LNP1: variants seen among roughly 807,000 people sequenced by gnomAD.
LNP1 encodes the protein leukemia NUP98 fusion partner 1.
A neutral mutation model predicts 14.5 loss-of-function variants in LNP1; 12 were observed. The observed-to-expected ratio is 0.83, with a 90% confidence interval of 0.53 to 1.34. The LOEUF (loss-of-function observed/expected upper bound fraction) is 1.34. Ranked by LOEUF, LNP1 falls within the 40% of genes most tolerant of loss-of-function variation. LNP1 has a pLI of 0.00. For synonymous variants in LNP1, 75 were observed against 71.4 expected (o/e 1.05, Z -0.26); for missense variants, 198 against 210.9 (o/e 0.94, Z 0.38).
intron 2 of LNP1, among the ~76,000 whole-genome samples, chr3:100,430,537 A>T (rs1373960503): frequency 6.6e-6 from 1 of 152,182 alleles, no homozygotes; most frequent in Non-Finnish European, 1.5e-5. Flanking sequence ...ACAGGCGGCT[A>T]TTCTCTCTGC....
At chr3:100,421,706 G>T (rs1287371728) in intron 1 of LNP1, among the ~76,000 whole-genome samples, 1 of 152,098 alleles carries the variant, frequency 6.6e-6, no homozygotes, top group Non-Finnish European at 1.5e-5. Flanking sequence ...AAAAAAGAGA[G>T]AAATTTCTGG....
chr3:100,453,396 C>A (rs1304454386), intron 3 of LNP1, among the ~76,000 whole-genome samples: 1 of 148,036 alleles, frequency 6.8e-6, no homozygotes, highest in Non-Finnish European at 1.5e-5. Context: ...GCCTGGGCAA[C>A]ATAGTGAAAT....
At chr3:100,431,067 C>A (rs923320692) in intron 2 of LNP1, among the ~76,000 whole-genome samples, 3 of 152,134 alleles carry the variant, frequency 2.0e-5, no homozygotes, top group African/African-American at 7.2e-5. Flanking sequence ...CCACAATGAG[C>A]AAAATATCCA....
intron 1 of LNP1, among the ~76,000 whole-genome samples, chr3:100,406,201 G>T (rs144758179): frequency 6.6e-6 from 1 of 152,096 alleles, no homozygotes; most frequent in Admixed American, 6.5e-5. Flanking sequence ...CAGGAGAATC[G>T]CTTGAACCCC....
intron 1 of LNP1, among the ~76,000 whole-genome samples, chr3:100,415,585 TGTTA>T (rs1242133186): frequency 2.0e-5 from 3 of 152,212 alleles, no homozygotes; most frequent in Admixed American, 2.0e-4. Flanking sequence ...TTTTCTAAAC[TGTTA>T]GTGTTTAATA....
At chr3:100,424,905 A>C (rs1294462454) in intron 1 of LNP1, among the ~76,000 whole-genome samples, 1 of 152,256 alleles carries the variant, frequency 6.6e-6, no homozygotes, top group African/African-American at 2.4e-5. Flanking sequence ...CTTAAAATCC[A>C]GAGGTCTTGG....
intron 2 of LNP1, among the ~76,000 whole-genome samples, chr3:100,446,155 A>C (rs189757428): frequency 0.012 from 1,878 of 152,272 alleles, 35 homozygotes; most frequent in African/African-American, 0.043. Context: ...AATCCTAAGC[A>C]AAAAGAACAA....
chr3:100,443,987 C>A (rs988124028), intron 2 of LNP1, among the ~76,000 whole-genome samples: 4 of 152,162 alleles, frequency 2.6e-5, no homozygotes, highest in African/African-American at 9.7e-5. Context: ...AAAACAAAGG[C>A]TCAGCAGTGT....
intron 1 of LNP1, among the ~76,000 whole-genome samples, chr3:100,418,154 G>C (rs970088435): frequency 6.7e-6 from 1 of 150,230 alleles, no homozygotes; most frequent in Non-Finnish European, 1.5e-5. Context: ...CTGCCTCCTG[G>C]GTTCAAGCAA....
chr3:100,456,008 G>C lies in LNP1; in HGVS notation c.*82G>C. On this transcript the variant is annotated 3_prime_UTR_variant, in exon 4 of 4. Coordinates refer to ENST00000383693, the MANE Select transcript of LNP1 (RefSeq NM_001085451.2). Reference sequence around the variant, plus strand: ...CCCCAATTCACCATTTCAGGATGTGGATGGGGGCGGGGTTGGGGGTAAAAA... The same window carrying C: ...CCCCAATTCACCATTTCAGGATGTGCATGGGGGCGGGGTTGGGGGTAAAAA... 6.8e-7 allele frequency: 1 copy of C among 1,467,558 alleles called. No homozygotes were observed. 90.9% of individuals were successfully genotyped at this position (1,467,558 alleles called of 1,614,324 possible). A position where few individuals can be genotyped will look rare whatever the true frequency, so the allele number is the denominator to read the frequency against.
intron 2 of LNP1, among the ~76,000 whole-genome samples, chr3:100,450,902 TAG>T (rs146719329): frequency 2.0e-5 from 3 of 151,700 alleles, no homozygotes; most frequent in African/African-American, 7.3e-5. Context: ...AATAAATAAA[TAG>T]AGAGAGAGAG....
intron 2 of LNP1, among the ~76,000 whole-genome samples, chr3:100,443,294 A>G (rs1707361359): frequency 6.6e-6 from 1 of 152,260 alleles, no homozygotes; most frequent in South Asian, 2.1e-4. Flanking sequence ...GCAAGACTAG[A>G]ATCTAACAAC....
At chr3:100,418,731 A>G (rs2148900952) in intron 1 of LNP1, among the ~76,000 whole-genome samples, 1 of 152,096 alleles carries the variant, frequency 6.6e-6, no homozygotes, top group East Asian at 1.9e-4. Flanking sequence ...GTCCCTGTCT[A>G]TTGCAGTTTT....
chr3:100,442,184 T>C (rs1369665667), intron 2 of LNP1, among the ~76,000 whole-genome samples: 1 of 152,212 alleles, frequency 6.6e-6, no homozygotes, highest in East Asian at 1.9e-4. Flanking sequence ...AGTGTTCTAA[T>C]GATGGAGTAG....
chr3:100,448,817 A>C (rs1284719504), intron 2 of LNP1, among the ~76,000 whole-genome samples: 1 of 152,196 alleles, frequency 6.6e-6, no homozygotes, highest in Non-Finnish European at 1.5e-5. Flanking sequence ...AAATACATAG[A>C]GGTATTACAG....
intron 1 of LNP1, among the ~76,000 whole-genome samples, chr3:100,422,306 C>T (rs776421703): frequency 1.1e-4 from 17 of 151,778 alleles, no homozygotes; most frequent in Non-Finnish European, 2.1e-4. Context: ...GCCTCAGCCT[C>T]CTGAGTAGCT....
At chr3:100,429,322 G>A (rs1012725246) in intron 1 of LNP1, among the ~76,000 whole-genome samples, 2 of 152,108 alleles carry the variant, frequency 1.3e-5, no homozygotes, top group African/African-American at 4.8e-5. Context: ...CAGGCATATT[G>A]TGAGGGTCAT....
chr3:100,432,140 C>T (rs185800232), intron 2 of LNP1, among the ~76,000 whole-genome samples: 5,610 of 149,108 alleles, frequency 0.038, 386 homozygotes, highest in East Asian at 0.31. Flanking sequence ...TTACTCTTAT[C>T]CTTACTTTTT....
chr3:100,429,914 A>G (rs1180301274), intron 2 of LNP1, 29 bp downstream of exon 2: 2 of 1,601,762 alleles, frequency 1.2e-6, no homozygotes, highest in Non-Finnish European at 1.7e-6. Flanking sequence ...ACCGGAGGGG[A>G]GAGCTGGAAT....
Sources: allele counts gnomAD v4.1 joint callset (sites outside exome capture counted in the v4.1 genomes callset), GRCh38; gene constraint gnomAD v4.1.1; transcripts MANE v1.5; gene names NCBI Gene and HGNC (gene_info 2026-07-23, HGNC 2026-07-21).